The following GIGYF2 variants were observed in gnomAD, a reference collection of about 807,000 sequenced individuals.
The protein encoded by GIGYF2 is GRB10-interacting GYF protein 2.
A neutral mutation model predicts 208.1 loss-of-function variants in GIGYF2; 25 were observed. The ratio of observed to expected loss-of-function variants is 0.12; its 90% confidence interval spans 0.09 to 0.17. GIGYF2 has a LOEUF of 0.17. Among genes scored for constraint, GIGYF2 ranks in the 10% least tolerant of loss-of-function variants. The pLI, the probability that GIGYF2 is intolerant of heterozygous loss-of-function variation, is 1.00. For missense variants in GIGYF2, 1,302 were observed against 1,579.4 expected, an observed-to-expected ratio of 0.82 and a Z score of 2.98; for synonymous variants, 534 against 543.8, an observed-to-expected ratio of 0.98 and a Z score of 0.25.
intron 22 of GIGYF2, among the ~76,000 whole-genome samples, chr2:232,835,236 C>T (rs1343716634): frequency 6.6e-6 from 1 of 152,146 alleles, no homozygotes; most frequent in East Asian, 1.9e-4. Flanking sequence ...TTATCCAATC[C>T]TCTGTTGATG....
chr2:232,784,030 A>G (rs924847853), intron 8 of GIGYF2, among the ~76,000 whole-genome samples: 6 of 152,170 alleles, frequency 3.9e-5, no homozygotes, highest in Non-Finnish European at 8.8e-5. Flanking sequence ...AAATTTACTT[A>G]CGTACCAGTA....
chr2:232,841,364 C>T (rs921414022), intron 23 of GIGYF2, among the ~76,000 whole-genome samples: 2 of 151,846 alleles, frequency 1.3e-5, no homozygotes, highest in East Asian at 1.9e-4. Flanking sequence ...GGCGCGATCT[C>T]GGCTCACTGC....
intron 2 of GIGYF2, among the ~76,000 whole-genome samples, chr2:232,720,589 G>GTT (rs1295951533): frequency 7.4e-6 from 1 of 135,740 alleles, no homozygotes; most frequent in African/African-American, 2.7e-5. Context: ...ATATATTTTT[G>GTT]TTTGTTTGTT....
At chr2:232,719,062 G>A (rs1284187543) in intron 2 of GIGYF2, 4 of 151,620 alleles carry the variant, frequency 2.6e-5, no homozygotes, top group Non-Finnish European at 4.4e-5. Context: ...GCGTGATCTC[G>A]GCTCACTGCA....
At chr2:232,723,939 T>C (rs1056638428) in intron 2 of GIGYF2, among the ~76,000 whole-genome samples, 4 of 151,218 alleles carry the variant, frequency 2.6e-5, no homozygotes, top group African/African-American at 9.7e-5. Context: ...GGTTTCTCCA[T>C]GTTAGGCTGG....
intron 2 of GIGYF2, among the ~76,000 whole-genome samples, chr2:232,734,229 A>G (rs1192450062): frequency 2.9e-5 from 4 of 137,530 alleles, no homozygotes; most frequent in African/African-American, 1.1e-4. Flanking sequence ...ATTTATTTTT[A>G]TTTGTTTATT....
intron 20 of GIGYF2, among the ~76,000 whole-genome samples, chr2:232,819,292 A>G (rs530909920): frequency 8.5e-4 from 130 of 152,316 alleles, no homozygotes; most frequent in Non-Finnish European, 1.5e-3. Context: ...TCTATAAATG[A>G]TCTCAACAAT....
rs114498122 is a variant in GIGYF2, at chr2:232,806,567, G to T, written c.1716G>T (p.Ala572=). 4.7e-3 allele frequency: 7,551 copies of T among 1,610,506 alleles called. 41 individuals carry two copies. Among genetic ancestry groups the T allele is most frequent in the Middle Eastern group, 0.037 (225 of 6,054 alleles). ...CTATGTCTTTATTGGTGAAGAGAGC[G>T]TGTGATGAAAGCTTCCAACCTCTTG... ...YFTMSLLVKR[A]CDESFQPLGD... is the part of the protein sequence containing the mutation. Residue 572 remains alanine (A), a synonymous_variant, in exon 15 of 29, where the codon GCG becomes GCT. Coordinates refer to ENST00000373563, the MANE Select transcript of GIGYF2 (RefSeq NM_001103146.3). The surrounding 1 kb of genome is among the most constrained non-coding windows in gnomAD (Gnocchi z 4.0).
chr2:232,742,585 C>T (rs111743408), intron 3 of GIGYF2, among the ~76,000 whole-genome samples: 112 of 152,086 alleles, frequency 7.4e-4, no homozygotes, highest in African/African-American at 2.1e-3. Context: ...TTCTTAGTAA[C>T]GTAGGAGATT....
chr2:232,714,468 G>A (rs192456309), intron 2 of GIGYF2, among the ~76,000 whole-genome samples: 3 of 151,916 alleles, frequency 2.0e-5, no homozygotes, highest in Admixed American at 6.6e-5. Context: ...CTTTTTTGGG[G>A]GGTGCAGTCT....
At chr2:232,749,422 C>T (rs1278767853) in intron 5 of GIGYF2, among the ~76,000 whole-genome samples, 1 of 152,010 alleles carries the variant, frequency 6.6e-6, no homozygotes, top group Non-Finnish European at 1.5e-5. Context: ...TGAATTCTTA[C>T]CGGTGCATTT....
chr2:232,724,327 G>A (rs1215040158), intron 2 of GIGYF2, among the ~76,000 whole-genome samples: 5 of 151,296 alleles, frequency 3.3e-5, no homozygotes, highest in Admixed American at 3.3e-4. Flanking sequence ...TAACGTGCTG[G>A]GATTGCAGGT....
chr2:232,715,339 T>C (rs1244239380), intron 2 of GIGYF2, among the ~76,000 whole-genome samples: 1 of 152,208 alleles, frequency 6.6e-6, no homozygotes, highest in Non-Finnish European at 1.5e-5. Flanking sequence ...TAGGTAATGA[T>C]TCAGAATTGT....
intron 3 of GIGYF2, among the ~76,000 whole-genome samples, chr2:232,737,253 C>T (rs748909399): frequency 2.0e-5 from 3 of 152,292 alleles, no homozygotes; most frequent in Non-Finnish European, 4.4e-5. Flanking sequence ...TACACATCCT[C>T]CTTTTTATTG....
intron 3 of GIGYF2, among the ~76,000 whole-genome samples, chr2:232,743,608 T>A (rs532349435): frequency 6.6e-6 from 1 of 152,320 alleles, no homozygotes; most frequent in Admixed American, 6.5e-5. Context: ...TTCCCTTCTT[T>A]GTGTTCATGA....
chr2:232,797,599 A>G (rs2106370899), intron 14 of GIGYF2, among the ~76,000 whole-genome samples: 1 of 152,104 alleles, frequency 6.6e-6, no homozygotes, highest in East Asian at 1.9e-4. Flanking sequence ...GAGATTCCAT[A>G]TACCCTTTAT....
chr2:232,762,981 C>A lies in GIGYF2; in HGVS notation c.532+1545C>A, dbSNP rs182422789. On this transcript the variant is annotated intron_variant, in intron 8 of 28. Transcript: ENST00000373563. ...AGGCTGCAGTGAGCCGTGATCACAC[C>A]ATTGCACTCTCTAGCCCAGGTGACA... is the stretch of plus-strand genomic sequence containing the variant. Among the ~76,000 whole-genome samples, 675 of 151,588 alleles carry A rather than the reference C, an allele frequency of 4.5e-3. 2 individuals are homozygous for A. The highest frequency in any genetic ancestry group is 0.016 in the African/African-American group (652 of 40,956).
intron 8 of GIGYF2, among the ~76,000 whole-genome samples, chr2:232,777,046 C>T (rs1348876039): frequency 1.3e-5 from 2 of 151,868 alleles, no homozygotes; most frequent in Non-Finnish European, 2.9e-5. Flanking sequence ...GAATGGCTAC[C>T]ATTAGTTCCA....
intron 3 of GIGYF2, among the ~76,000 whole-genome samples, chr2:232,743,075 G>A (rs1698028915): frequency 6.6e-6 from 1 of 152,182 alleles, no homozygotes; most frequent in Admixed American, 6.5e-5. Context: ...CACTTACCAA[G>A]CGAAGATTTT....
Sources: allele counts gnomAD v4.1 joint callset (sites outside exome capture counted in the v4.1 genomes callset), GRCh38; gene constraint gnomAD v4.1.1; non-coding constraint Gnocchi (gnomAD v3.1); transcripts MANE v1.5; gene names NCBI Gene and HGNC (gene_info 2026-07-23, HGNC 2026-07-21).